The following LAMB3 variants were observed in gnomAD, a reference collection of about 807,000 sequenced individuals.
The protein encoded by LAMB3 is laminin subunit beta 3, also known as laminin subunit beta-3.
Under a neutral mutation model 140.3 loss-of-function variants are expected in LAMB3, and 104 were observed. The observed-to-expected ratio is 0.74, with a 90% CI of 0.63 to 0.87. LAMB3 has a LOEUF of 0.87. LAMB3 is among the 40% of genes least tolerant of loss of function. The pLI, the probability that LAMB3 is intolerant of heterozygous loss-of-function variation, is 0.00. For synonymous variants in LAMB3, 592 were observed against 602.9 expected, an observed-to-expected ratio of 0.98 and a Z score of 0.26; for missense variants, 1,531 against 1,575.2, an observed-to-expected ratio of 0.97 and a Z score of 0.47.
chr1:209,616,175 T>C (rs73081648), intron 22 of LAMB3, among the ~76,000 whole-genome samples: 7,317 of 152,248 alleles, frequency 0.048, 582 homozygotes, highest in African/African-American at 0.17. Context: ...TCCTGTTAAA[T>C]ATAATTCTAT....
rs773304144 is a variant in LAMB3, at chr1:209,622,650, T to C, written c.2587A>G (p.Ile863Val). ...IRAAEESASQ[I>V]QSSAQRLETQ... is the part of the protein sequence containing the mutation. Reference sequence around the variant, plus strand: ...TCCAAGCGCTGGGCACTGGATTGAATCTGTGAGGCAGATTCCTCGGCTGCC... The same window carrying C: ...TCCAAGCGCTGGGCACTGGATTGAACCTGTGAGGCAGATTCCTCGGCTGCC... Residue 863 changes from isoleucine (I) to valine (V), a missense_variant, in exon 18 of 23, where the codon ATT becomes GTT. Ile to Val is a conservative substitution (Grantham distance 29). Coordinates refer to ENST00000356082, the MANE Select transcript of LAMB3 (RefSeq NM_000228.3). 6.2e-7 allele frequency: 1 copy of C among 1,614,142 alleles called. No individual in the cohort carries two copies. The highest frequency in any genetic ancestry group is 8.5e-7 in the Non-Finnish European group (1 of 1,180,018).
At chr1:209,638,699 T>A in intron 3 of LAMB3, 51 bp from the exon 4 acceptor site, 1 of 1,236,420 alleles carries the variant, frequency 8.1e-7, no homozygotes, top group Non-Finnish European at 1.2e-6. Context: ...CTGATAGAAT[T>A]CCCCCTTGCG....
At chr1:209,630,466 A>C in intron 9 of LAMB3, 149 bp downstream of exon 9, 1 of 905,344 alleles carries the variant, frequency 1.1e-6, no homozygotes, top group South Asian at 1.6e-5. Context: ...TCACAGAGCC[A>C]GGAGAGCTTG....
Position 209,623,476 on chromosome 1 carries a change from A to T in LAMB3, c.2358+29T>A. The T allele has an allele frequency of 6.2e-7, 1 of 1,600,800 alleles. No individual in the cohort carries two copies. The highest frequency in any genetic ancestry group is 8.6e-7 in the Non-Finnish European group (1 of 1,167,880). ...TGTGACAAGCTGGGGTGTGGGCTCCAGGAAGTGGGACTCCATGCCCCAAGT... is the reference window on the plus strand; with the variant it reads ...TGTGACAAGCTGGGGTGTGGGCTCCTGGAAGTGGGACTCCATGCCCCAAGT... On this transcript the variant is annotated intron_variant, in intron 16 of 22. Coordinates refer to ENST00000356082, the MANE Select transcript of LAMB3 (RefSeq NM_000228.3). The surrounding 1 kb of genome is among the most constrained non-coding windows in gnomAD (Gnocchi z 4.2).
chr1:209,650,114 C>A lies in LAMB3; in HGVS notation c.33G>T (p.Leu11=), dbSNP rs1422497234. The change falls in exon 3 of 23, where the codon CTG becomes CTT. Residue 11 remains leucine (L), a synonymous_variant. Transcript: ENST00000356082. ...CTTGTTGGGCATGCAGGAGGCCAGG[C>A]AGGGCTGAAATCACAGGGATGTGTG... MRPFFLLCFA[L]PGLLHAQQAC... is the part of the protein sequence containing the mutation. The A allele has an allele frequency of 6.2e-7, 1 of 1,612,858 alleles. No homozygotes were observed. Among genetic ancestry groups the A allele is most frequent in the South Asian group, 1.1e-5 (1 of 90,890 alleles).
At chr1:209,651,081 T>C (rs1328008625) in intron 1 of LAMB3, 100 bp from the exon 2 acceptor site, 8 of 828,390 alleles carry the variant, frequency 9.7e-6, no homozygotes, top group Non-Finnish European at 1.5e-5. Flanking sequence ...TTTTCAGAAG[T>C]CTTTACCTAG....
chr1:209,619,890 G>A (rs746312318), intron 18 of LAMB3, among the ~76,000 whole-genome samples: 4 of 152,150 alleles, frequency 2.6e-5, no homozygotes, highest in African/African-American at 4.8e-5. Context: ...TGTCCCTCGG[G>A]GCTTGCATGC....
rs371981464 is a variant in LAMB3 at position 209,617,549 on chromosome 1, G to A, written c.3089C>T (p.Thr1030Ile). ...GTCACCCAGCTGCTTGGTCATGCTT[G>A]TCACCAGCTTTTCTGCTGGCCGCAG... is the stretch of plus-strand genomic sequence containing the variant. Reference protein sequence around the residue: ...QVLRPAEKLVTSMTKQLGDFW... With the variant: ...QVLRPAEKLVISMTKQLGDFW... The change falls in exon 21 of 23, where the codon ACA becomes ATA. Residue 1030 changes from threonine (T) to isoleucine (I), a missense_variant. Transcript: ENST00000356082. 9.9e-6 allele frequency: 16 copies of A among 1,614,016 alleles called. No individual in the cohort carries two copies. Among genetic ancestry groups the A allele is most frequent in the Admixed American group, 1.7e-5 (1 of 60,014 alleles).
Position 209,628,048 on chromosome 1 carries a change from C to T in LAMB3, c.1275G>A (p.Pro425=), listed in dbSNP as rs148726330. The T allele has an allele frequency of 7.2e-5, 116 of 1,605,354 alleles. 2 individuals are homozygous for T. In the African/African-American group the frequency reaches 1.1e-3, roughly 15 times the overall value. Residue 425 remains proline (P), a synonymous_variant, in exon 11 of 23, where the codon CCG becomes CCA. Transcript: ENST00000356082. ...PGFTGLTYAN[P]QGCHRCDCNI... The stretch of plus-strand genomic sequence containing the variant: ...CCCCCTACTCACGGTGGCAGCCCTG[C>T]GGGTTGGCGTAGGTGAGTCCAGTGA...
At position 209,631,351 on chromosome 1, in the gene LAMB3, A is replaced by G. The variant is rs1342986730; in HGVS notation, c.823-616T>C. 3.3e-5 allele frequency among the ~76,000 whole-genome samples: 5 copies of G among 152,118 alleles called. 1 individual carries two copies. The highest frequency in any genetic ancestry group is 2.9e-5 in the Non-Finnish European group (2 of 68,010). ...TCTAGCTGCTCCCTCTGCAAGCCCT[A>G]CTTTCTCCACCTTTTGGCCTTTAGC... On this transcript the variant is annotated intron_variant, in intron 8 of 22. Transcript: ENST00000356082.
intron 8 of LAMB3, among the ~76,000 whole-genome samples, chr1:209,631,687 G>A (rs1666696876): frequency 1.3e-5 from 2 of 152,332 alleles, no homozygotes; most frequent in East Asian, 3.9e-4. Context: ...ACCTCGTCAT[G>A]TCATAGCATG....
In LAMB3 at chr1:209,629,727, C is replaced by T; in HGVS notation, c.1132+10G>A. 1 of 1,613,840 alleles carries T rather than the reference C, an allele frequency of 6.2e-7. No homozygotes were observed. The highest frequency in any genetic ancestry group is 8.5e-7 in the Non-Finnish European group (1 of 1,179,724). On this transcript the variant is annotated intron_variant, in intron 10 of 22. Coordinates refer to ENST00000356082, the MANE Select transcript of LAMB3 (RefSeq NM_000228.3). ...AAATGACACTCTGGGACTCCGGAGC[C>T]TCTACTCACAGATGCAGGTCTCCTG...
intron 3 of LAMB3, among the ~76,000 whole-genome samples, chr1:209,645,955 A>G (rs967943015): frequency 4.6e-5 from 7 of 152,192 alleles, no homozygotes; most frequent in African/African-American, 1.7e-4. Context: ...GCCTGCGCGT[A>G]TTAGAGAGGA....
At chr1:209,642,952 G>C (rs937058095) in intron 3 of LAMB3, among the ~76,000 whole-genome samples, 8 of 152,204 alleles carry the variant, frequency 5.3e-5, no homozygotes, top group Middle Eastern at 6.4e-3. Context: ...GTCCACGTGT[G>C]CAGGCACTGA....
At chr1:209,622,501 A>T in intron 18 of LAMB3, 35 bp downstream of exon 18, 1 of 1,612,522 alleles carries the variant, frequency 6.2e-7, no homozygotes, top group Non-Finnish European at 8.5e-7. Flanking sequence ...GCAGGACTGG[A>T]ACAGCAGCCA....
intron 3 of LAMB3, among the ~76,000 whole-genome samples, chr1:209,641,608 C>A (rs1485623098): frequency 6.6e-6 from 1 of 152,156 alleles, no homozygotes; most frequent in Non-Finnish European, 1.5e-5. Flanking sequence ...AGCCCCAAGG[C>A]CCCAAGAAGG....
At chr1:209,647,016 C>T (rs926517442) in intron 3 of LAMB3, among the ~76,000 whole-genome samples, 1 of 152,216 alleles carries the variant, frequency 6.6e-6, no homozygotes, top group African/African-American at 2.4e-5. Flanking sequence ...GATGGGACTA[C>T]AGCTTCAGGC....
intron 6 of LAMB3, 47 bp from the exon 7 acceptor site, chr1:209,633,180 G>T: frequency 7.3e-7 from 1 of 1,370,668 alleles, no homozygotes. Flanking sequence ...GACAAATAGT[G>T]TGCCCCGAGT....
chr1:209,640,226 A>G (rs2076455783), intron 3 of LAMB3, among the ~76,000 whole-genome samples: 1 of 152,222 alleles, frequency 6.6e-6, no homozygotes. Flanking sequence ...TAAGGCTCAA[A>G]TAACAGCTGG....
Sources: gnomAD v4.1 joint callset for allele counts (sites outside exome capture counted in the v4.1 genomes callset) on GRCh38, gnomAD v4.1.1 for gene constraint, Gnocchi (gnomAD v3.1) non-coding constraint, MANE v1.5 for transcripts, NCBI Gene and HGNC (gene_info 2026-07-23, HGNC 2026-07-21) for gene names.